Variants in TACC3 observed in about 807,000 individuals in gnomAD.
TACC3 encodes the protein transforming acidic coiled-coil-containing protein 3.
In TACC3, 52 loss-of-function variants were observed where a neutral mutation model predicts 86.0. That is an observed-to-expected ratio of 0.60 (90% CI 0.48 to 0.76). TACC3 has a LOEUF of 0.76. TACC3 is among the 30% of genes least tolerant of loss of function. The pLI is 0.00. For synonymous variants in TACC3, 512 were observed against 430.0 expected, an observed-to-expected ratio of 1.19 and a Z score of -2.36; for missense variants, 1,120 against 1,070.4, an observed-to-expected ratio of 1.05 and a Z score of -0.65.
At chr4:1,743,268 A>G in intron 13 of TACC3, among the ~76,000 whole-genome samples, 1 of 134,676 alleles carries the variant, frequency 7.4e-6, no homozygotes, top group Non-Finnish European at 1.6e-5. Context: ...AAAAAAAAAA[A>G]AAAAGCCTGG....
At chr4:1,734,550 C>A (rs1718161400) in intron 6 of TACC3, among the ~76,000 whole-genome samples, 1 of 152,188 alleles carries the variant, frequency 6.6e-6, no homozygotes, top group East Asian at 1.9e-4. Context: ...GTCAGGAGTT[C>A]AAGACCAGCC....
chr4:1,724,160 G>T (rs1056831093), intron 3 of TACC3, among the ~76,000 whole-genome samples: 11 of 151,032 alleles, frequency 7.3e-5, no homozygotes, highest in Non-Finnish European at 1.5e-4. Flanking sequence ...TAGTAAAGAA[G>T]GGGTTTCACC....
At chr4:1,743,935 A>G (rs543418898) in intron 13 of TACC3, among the ~76,000 whole-genome samples, 1 of 152,136 alleles carries the variant, frequency 6.6e-6, no homozygotes, top group East Asian at 1.9e-4. Context: ...GCGACAGAGG[A>G]GTGAGGATGG....
Position 1,728,326 on chromosome 4 carries a change from G to A in TACC3, c.924G>A (p.Leu308=), listed in dbSNP as rs1199301148. The A allele has an allele frequency of 2.5e-6, 4 of 1,613,016 alleles. No homozygotes were observed. The East Asian group carries it at 6.7e-5, about 27-fold the overall frequency. ...AGAGCACAGCCCCAACCAACCACCT[G>A]GTGGCTGGCAGGGCCATGACCCTGA... ...APESTAPTNH[L]VAGRAMTLSP... is the part of the protein sequence containing the mutation. Residue 308 remains leucine (L), a synonymous_variant, in exon 4 of 16, where the codon CTG becomes CTA. Transcript: ENST00000313288.
Position 1,723,470 on chromosome 4 carries a change from A to G in TACC3, c.49A>G (p.Thr17Ala), listed in dbSNP as rs1307491209. The stretch of plus-strand genomic sequence containing the variant: ...CAAAAATGTCAGCAATGAAAAAAAT[A>G]CAGAAAATTGCGACTTCCTGTTTTC... ...NDKNVSNEKN[T>A]ENCDFLFSPP... The change falls in exon 2 of 16, where the codon ACA becomes GCA. Residue 17 changes from threonine (T) to alanine (A), a missense_variant. Thr to Ala is a moderately conservative substitution (Grantham distance 58). Transcript: ENST00000313288. The G allele has an allele frequency of 1.2e-6, 2 of 1,613,676 alleles. No homozygotes were observed.
intron 13 of TACC3, 70 bp from the exon 14 acceptor site, chr4:1,744,448 C>T: frequency 6.9e-7 from 1 of 1,443,658 alleles, no homozygotes; most frequent in Non-Finnish European, 9.6e-7. Context: ...CTGCAGGTCC[C>T]CAGACACCAA....
At chr4:1,740,104 G>A in intron 12 of TACC3, 102 bp downstream of exon 12, 2 of 1,217,814 alleles carry the variant, frequency 1.6e-6, no homozygotes, top group Non-Finnish European at 2.4e-6. Context: ...CCCTCCTGAG[G>A]CCCCTTTTCC....
chr4:1,722,071 G>C (rs1286351064), intron 1 of TACC3, among the ~76,000 whole-genome samples: 1 of 152,116 alleles, frequency 6.6e-6, no homozygotes, highest in East Asian at 1.9e-4. Flanking sequence ...GGACACCTGG[G>C]CCCCTACCGC....
At chr4:1,720,687 A>G (rs1252194163), upstream of TACC3, 1 of 1,552,292 alleles carries the variant, frequency 6.4e-7, no homozygotes, top group East Asian at 2.4e-5. The surrounding 1 kb of genome is among the most constrained non-coding windows in gnomAD (Gnocchi z 4.4). Context: ...CGCAAGTGGA[A>G]GGGCACGAAG....
intron 4 of TACC3, among the ~76,000 whole-genome samples, chr4:1,729,792 C>T (rs146835679): frequency 6.6e-6 from 1 of 152,250 alleles, no homozygotes; most frequent in Non-Finnish European, 1.5e-5. Flanking sequence ...CTCTAACTCC[C>T]CCAGGGAAAG....
chr4:1,737,362 G>A, intron 9 of TACC3, 34 bp downstream of exon 9: 2 of 1,591,126 alleles, frequency 1.3e-6, no homozygotes, highest in South Asian at 1.1e-5. Context: ...ACTGTCTTGT[G>A]TGTGGTCTGA....
intron 2 of TACC3, 47 bp from the exon 3 acceptor site, chr4:1,723,681 A>G: frequency 1.2e-6 from 2 of 1,613,034 alleles, no homozygotes; most frequent in Admixed American, 1.7e-5. Flanking sequence ...TGTGGCTGTA[A>G]CAGCTTGAAC....
At position 1,740,955 on chromosome 4, in the gene TACC3, A is replaced by G. The variant is rs1196288535; in HGVS notation, c.2192A>G (p.Lys731Arg). Residue 731 changes from lysine to arginine, a missense_variant, in exon 13 of 16, where the codon AAA (lysine) becomes AGA (arginine). Physicochemically the swap from Lys to Arg is conservative, Grantham distance 26. Coordinates refer to ENST00000313288, the MANE Select transcript of TACC3 (RefSeq NM_006342.3). ...SFSDLFKRFEKQKEVIEGYRK... is the reference protein window; with the variant it reads ...SFSDLFKRFERQKEVIEGYRK... ...TCCGACCTCTTCAAGCGTTTTGAGA[A>G]ACAGAAAGAGGTGATCGAGGGCTAC... 1.2e-6 allele frequency: 2 copies of G among 1,610,872 alleles called. No individual in the cohort carries two copies. The highest frequency in any genetic ancestry group is 2.2e-5 in the South Asian group (2 of 90,418).
intron 13 of TACC3, among the ~76,000 whole-genome samples, chr4:1,743,603 TAC>T (rs1264341484): frequency 2.7e-5 from 4 of 150,654 alleles, no homozygotes; most frequent in Non-Finnish European, 5.9e-5. Context: ...TTCTAACAGG[TAC>T]ACAGTTAACA....
chr4:1,738,368 G>A (rs1055506637), intron 10 of TACC3: 10 of 183,320 alleles, frequency 5.5e-5, no homozygotes, highest in Admixed American at 1.6e-4. Context: ...TGTCATCTCC[G>A]CAGAGGCCTG....
intron 1 of TACC3, chr4:1,722,011 T>C: frequency 6.6e-6 from 1 of 152,288 alleles, no homozygotes; most frequent in Non-Finnish European, 1.5e-5. Context: ...TGTTCTTTGG[T>C]CCCTTCCGGC....
At chr4:1,724,231 C>T (rs1242845226) in intron 3 of TACC3, among the ~76,000 whole-genome samples, 1 of 151,748 alleles carries the variant, frequency 6.6e-6, no homozygotes, top group African/African-American at 2.4e-5. Flanking sequence ...CTTGGCCTCA[C>T]AAAGTGCTGG....
rs377756526 is a variant in TACC3, at chr4:1,739,944, G to C, written c.2019-15G>C. ...CACCCGAGGCAATGGCTGTGTGTCT[G>C]TTCTCCTCCCACAGGAAGATCATGG... is the stretch of plus-strand genomic sequence containing the variant. On this transcript the variant is annotated splice_polypyrimidine_tract_variant and intron_variant, in intron 11 of 15. Transcript: ENST00000313288. 1.2e-6 allele frequency: 2 copies of C among 1,613,102 alleles called. No individual in the cohort carries two copies. The highest frequency in any genetic ancestry group is 1.7e-6 in the Non-Finnish European group (2 of 1,179,982).
At chr4:1,739,662 C>G in intron 10 of TACC3, 40 bp from the exon 11 acceptor site, 1 of 1,549,574 alleles carries the variant, frequency 6.5e-7, no homozygotes, top group South Asian at 1.2e-5. Flanking sequence ...GAGGGTCAGT[C>G]TGGCCCGCCT....
Sources: allele counts gnomAD v4.1 joint callset (sites outside exome capture counted in the v4.1 genomes callset), GRCh38; gene constraint gnomAD v4.1.1; non-coding constraint Gnocchi (gnomAD v3.1); transcripts MANE v1.5; gene names NCBI Gene and HGNC (gene_info 2026-07-23, HGNC 2026-07-21).